SLX4IP: variants seen among roughly 807,000 people sequenced by gnomAD.
SLX4IP encodes SLX4 interacting protein.
A neutral mutation model predicts 32.9 loss-of-function variants in SLX4IP; 34 were observed. The observed-to-expected ratio is 1.03, with a 90% CI of 0.79 to 1.38. The LOEUF (loss-of-function observed/expected upper bound fraction) is 1.38. Among genes scored for constraint, SLX4IP ranks in the 40% most tolerant of loss-of-function variants. The pLI is 0.00. For synonymous variants in SLX4IP, 172 were observed against 171.7 expected (o/e 1.00, Z -0.01); for missense variants, 444 against 479.0 (o/e 0.93, Z 0.68).
intron 2 of SLX4IP, among the ~76,000 whole-genome samples, chr20:10,535,659 A>G (rs1244638613): frequency 6.6e-6 from 1 of 152,158 alleles, no homozygotes; most frequent in Non-Finnish European, 1.5e-5. Flanking sequence ...GAGTCAAGGT[A>G]TGAACTTAAG....
chr20:10,549,882 C>T (rs1424370157), intron 2 of SLX4IP, among the ~76,000 whole-genome samples: 1 of 152,228 alleles, frequency 6.6e-6, no homozygotes, highest in East Asian at 1.9e-4. Flanking sequence ...TGTTTAATCA[C>T]ATCACTATAA....
intron 2 of SLX4IP, among the ~76,000 whole-genome samples, chr20:10,464,271 C>T (rs1322405685): frequency 2.0e-5 from 3 of 152,172 alleles, no homozygotes; most frequent in African/African-American, 4.8e-5. Flanking sequence ...ATCCTCCTGC[C>T]TCAGCCTCCT....
chr20:10,618,468 G>A (rs969697747), intron 6 of SLX4IP, among the ~76,000 whole-genome samples: 1 of 152,184 alleles, frequency 6.6e-6, no homozygotes, highest in Non-Finnish European at 1.5e-5. Flanking sequence ...GTATACCAAG[G>A]AATGATATTT....
chr20:10,435,476 ACCTCAGATGTT>A (rs1477725805), intron 1 of SLX4IP, 23 bp downstream of exon 1: 10 of 152,136 alleles, frequency 6.6e-5, no homozygotes, highest in Admixed American at 6.5e-4. Flanking sequence ...ACCTCTGACA[ACCTCAGATGTT>A]CCTTCAAGTG....
At chr20:10,499,572 G>A (rs1032957021) in intron 2 of SLX4IP, among the ~76,000 whole-genome samples, 3 of 152,044 alleles carry the variant, frequency 2.0e-5, no homozygotes, top group Non-Finnish European at 4.4e-5. Flanking sequence ...CTTCCCATTT[G>A]TATTCCTGGC....
intron 4 of SLX4IP, among the ~76,000 whole-genome samples, chr20:10,569,642 G>C (rs2066439054): frequency 6.6e-6 from 1 of 152,066 alleles, no homozygotes; most frequent in Non-Finnish European, 1.5e-5. Context: ...CTTGTTGATG[G>C]CTGTCTCCTC....
chr20:10,456,586 C>G lies in SLX4IP; in HGVS notation c.-29-1590C>G, dbSNP rs59371580. 4.6e-3 allele frequency among the ~76,000 whole-genome samples: 698 copies of G among 152,150 alleles called. 7 individuals are homozygous for G. The highest frequency in any genetic ancestry group is 0.016 in the African/African-American group (655 of 41,504). On this transcript the variant is annotated intron_variant, in intron 1 of 7. Coordinates refer to ENST00000334534, the MANE Select transcript of SLX4IP (RefSeq NM_001009608.3). Reference sequence around the variant, plus strand: ...CGAACTCCTGACCTCGTGATCTACCCGCCTCGGCCTCCCAAAGTGCTGAGA... The same window carrying G: ...CGAACTCCTGACCTCGTGATCTACCGGCCTCGGCCTCCCAAAGTGCTGAGA...
intron 2 of SLX4IP, among the ~76,000 whole-genome samples, chr20:10,490,517 C>T (rs2065613716): frequency 6.6e-6 from 1 of 152,188 alleles, no homozygotes. Context: ...TCTGACCTCA[C>T]ATTGAGACTG....
intron 2 of SLX4IP, among the ~76,000 whole-genome samples, chr20:10,544,147 T>G (rs1419386332): frequency 6.6e-6 from 1 of 152,176 alleles, no homozygotes; most frequent in African/African-American, 2.4e-5. Context: ...AGGATTTACA[T>G]GCAGTTATAT....
chr20:10,533,325 CAG>C (rs774728445), intron 2 of SLX4IP, among the ~76,000 whole-genome samples: 7 of 152,026 alleles, frequency 4.6e-5, no homozygotes, highest in Admixed American at 3.3e-4. Flanking sequence ...GTTCTTGAAA[CAG>C]AGTCTTGCTC....
chr20:10,536,108 G>A (rs2066041388), intron 2 of SLX4IP, among the ~76,000 whole-genome samples: 1 of 152,164 alleles, frequency 6.6e-6, no homozygotes, highest in Non-Finnish European at 1.5e-5. Context: ...TCTATAATTT[G>A]CAAACTTCTT....
intron 3 of SLX4IP, 110 bp downstream of exon 3, chr20:10,556,430 T>A: frequency 9.1e-7 from 1 of 1,104,900 alleles, no homozygotes; most frequent in Non-Finnish European, 1.3e-6. Context: ...GTTGCGTATT[T>A]AATCCTTGAA....
chr20:10,612,482 C>T (rs373390185), intron 6 of SLX4IP, among the ~76,000 whole-genome samples: 2 of 152,082 alleles, frequency 1.3e-5, no homozygotes, highest in Admixed American at 6.5e-5. Context: ...TTGAATATGC[C>T]CTAAGACTAT....
chr20:10,515,944 A>T (rs747312365), intron 2 of SLX4IP, among the ~76,000 whole-genome samples: 2 of 152,286 alleles, frequency 1.3e-5, no homozygotes, highest in South Asian at 4.1e-4. Flanking sequence ...GTTGGAGTAC[A>T]CTGGCGTGAT....
intron 2 of SLX4IP, among the ~76,000 whole-genome samples, chr20:10,552,104 G>A (rs2066223748): frequency 6.6e-6 from 1 of 152,340 alleles, no homozygotes; most frequent in East Asian, 1.9e-4. Context: ...CCCTGTTGTT[G>A]GCTGAATCCT....
rs761459334 is a variant in SLX4IP at position 10,601,753 on chromosome 20, A to T, written c.339A>T (p.Arg113Ser). The change falls in exon 6 of 8, where the codon AGA (arginine) becomes AGT (serine). Residue 113 changes from arginine (R) to serine (S), a missense_variant. By Grantham distance (110) the Arg-to-Ser change is moderately radical. Coordinates refer to ENST00000334534, the MANE Select transcript of SLX4IP (RefSeq NM_001009608.3). The part of the protein sequence containing the change: ...QNAELCVFPD[R>S]FVVCVSQLAF... The stretch of plus-strand genomic sequence containing the variant: ...CAGAACTCTGTGTATTCCCTGACAG[A>T]TTTGTGGTTTGTGTCAGTCAGCTTG... The T allele has an allele frequency of 6.2e-7, 1 of 1,613,992 alleles. No homozygotes were observed. Among genetic ancestry groups the T allele is most frequent in the Admixed American group, 1.7e-5 (1 of 59,994 alleles).
At chr20:10,499,369 T>C (rs2065697403) in intron 2 of SLX4IP, among the ~76,000 whole-genome samples, 1 of 152,192 alleles carries the variant, frequency 6.6e-6, no homozygotes, top group Non-Finnish European at 1.5e-5. Flanking sequence ...AACCAAAGTA[T>C]CACAAAATAA....
At chr20:10,551,981 G>A (rs2066222635) in intron 2 of SLX4IP, among the ~76,000 whole-genome samples, 1 of 152,230 alleles carries the variant, frequency 6.6e-6, no homozygotes, top group Non-Finnish European at 1.5e-5. Flanking sequence ...GGAGAAGATA[G>A]GAGCAGCAGA....
At chr20:10,544,278 TTCA>T (rs2066139513) in intron 2 of SLX4IP, among the ~76,000 whole-genome samples, 1 of 152,360 alleles carries the variant, frequency 6.6e-6, no homozygotes, top group African/African-American at 2.4e-5. Flanking sequence ...CCTTTGGATT[TTCA>T]TCATCTTTAT....
Sources: gnomAD v4.1 joint callset for allele counts (sites outside exome capture counted in the v4.1 genomes callset) on GRCh38, gnomAD v4.1.1 for gene constraint, MANE v1.5 for transcripts, NCBI Gene and HGNC (gene_info 2026-07-23, HGNC 2026-07-21) for gene names.